Variants in ABTB2 observed in about 807,000 individuals in gnomAD.
The protein encoded by ABTB2 is ankyrin repeat and BTB/POZ domain-containing protein 2.
ABTB2 carries 56 observed loss-of-function variants against 104.1 expected under a neutral mutation model. The ratio of observed to expected loss-of-function variants is 0.54; its 90% confidence interval spans 0.43 to 0.67. ABTB2 has a LOEUF of 0.67. Ranked by LOEUF, ABTB2 falls within the 30% of genes least tolerant of loss-of-function variation. The pLI, the probability that ABTB2 is intolerant of heterozygous loss-of-function variation, is 0.00. For missense variants in ABTB2, 1,279 were observed against 1,407.7 expected (o/e 0.91, Z 1.46); for synonymous variants, 606 against 608.2 (o/e 1.00, Z 0.05).
chr11:34,347,736 A>G (rs182214594), intron 1 of ABTB2, among the ~76,000 whole-genome samples: 2 of 152,128 alleles, frequency 1.3e-5, no homozygotes, highest in Admixed American at 1.3e-4. Flanking sequence ...AGCATTTAAT[A>G]TGCTTGAAAT....
chr11:34,348,048 G>T (rs1183175640), intron 1 of ABTB2, among the ~76,000 whole-genome samples: 1 of 152,190 alleles, frequency 6.6e-6, no homozygotes, highest in Non-Finnish European at 1.5e-5. Flanking sequence ...GCTACATTCA[G>T]GGCCACGGAA....
chr11:34,162,271 G>A (rs1160467624), intron 10 of ABTB2, among the ~76,000 whole-genome samples: 1 of 152,238 alleles, frequency 6.6e-6, no homozygotes, highest in African/African-American at 2.4e-5. Flanking sequence ...CGACATCCCT[G>A]GGCTGTGACT....
intron 3 of ABTB2, among the ~76,000 whole-genome samples, chr11:34,179,480 G>A (rs1344101001): frequency 2.0e-5 from 3 of 152,152 alleles, no homozygotes; most frequent in Non-Finnish European, 4.4e-5. Context: ...CTGGCATTTC[G>A]CCCCTGGTGG....
intron 3 of ABTB2, among the ~76,000 whole-genome samples, chr11:34,197,059 T>C (rs1853266618): frequency 6.6e-6 from 1 of 152,166 alleles, no homozygotes; most frequent in Admixed American, 6.5e-5. Context: ...AGTGAGCTCA[T>C]GCCAGACTGG....
chr11:34,219,101 G>T (rs1344832142), intron 1 of ABTB2, among the ~76,000 whole-genome samples: 1 of 152,164 alleles, frequency 6.6e-6, no homozygotes, highest in Non-Finnish European at 1.5e-5. Context: ...TTCTAATCTG[G>T]AGGGGAGGAA....
rs1855462265 is a variant in ABTB2 at position 34,356,168 on chromosome 11, C to T, written c.883+533G>A. ...AGAGCGCCTGACAGCATCCTTCAGC[C>T]CAGCAAAGCACAAGGCGCAGCACCA... On this transcript the variant is annotated intron_variant, in intron 1 of 16. Transcript: ENST00000435224. This position sits in a 1 kb window ranked among gnomAD's most constrained non-coding sequence, Gnocchi z 4.6. Among the ~76,000 whole-genome samples, 3 of 152,188 alleles carry T rather than the reference C, an allele frequency of 2.0e-5. 1 individual carries two copies. In the South Asian group the frequency reaches 6.2e-4, roughly 32 times the overall value.
At chr11:34,192,741 C>T (rs1853196127) in intron 3 of ABTB2, among the ~76,000 whole-genome samples, 1 of 152,242 alleles carries the variant, frequency 6.6e-6, no homozygotes, top group African/African-American at 2.4e-5. Context: ...GGTCTGGCTT[C>T]TTTGCTGCTG....
At chr11:34,305,590 G>C (rs1057409087) in intron 1 of ABTB2, among the ~76,000 whole-genome samples, 4 of 152,326 alleles carry the variant, frequency 2.6e-5, no homozygotes, top group African/African-American at 9.6e-5. Context: ...AAGGGAACCA[G>C]AGGCAAAAGA....
At chr11:34,164,625 G>A in intron 9 of ABTB2, 61 bp downstream of exon 9, 1 of 1,393,116 alleles carries the variant, frequency 7.2e-7, no homozygotes. Flanking sequence ...GGAAACTGAG[G>A]CTCCTGTGAG....
chr11:34,251,342 C>CT, intron 1 of ABTB2, among the ~76,000 whole-genome samples: 1 of 152,360 alleles, frequency 6.6e-6, no homozygotes, highest in Middle Eastern at 3.4e-3. Context: ...TCTGCTCTGG[C>CT]TGAGTGACAG....
At chr11:34,181,487 C>T (rs34427038) in intron 3 of ABTB2, among the ~76,000 whole-genome samples, 56,829 of 151,902 alleles carry the variant, frequency 0.37, 11,314 homozygotes, top group Non-Finnish European at 0.45. Context: ...GCACAAGCCT[C>T]GGGTCTCTGT....
At chr11:34,250,919 G>A (rs1854047953) in intron 1 of ABTB2, among the ~76,000 whole-genome samples, 1 of 152,176 alleles carries the variant, frequency 6.6e-6, no homozygotes, top group African/African-American at 2.4e-5. Flanking sequence ...GGTTCAGAGA[G>A]GTTAAGTAAC....
intron 16 of ABTB2, among the ~76,000 whole-genome samples, chr11:34,153,138 G>A (rs1259008281): frequency 1.3e-5 from 2 of 152,178 alleles, no homozygotes; most frequent in African/African-American, 4.8e-5. Context: ...GAGGCCTGGG[G>A]ACACCAGTTG....
chr11:34,291,590 G>A (rs933474111), intron 1 of ABTB2, among the ~76,000 whole-genome samples: 1 of 152,160 alleles, frequency 6.6e-6, no homozygotes, highest in Non-Finnish European at 1.5e-5. Context: ...CTGCCTCCCG[G>A]GTTCAAGCAA....
chr11:34,235,004 C>G (rs569057776), intron 1 of ABTB2, among the ~76,000 whole-genome samples: 39 of 152,286 alleles, frequency 2.6e-4, no homozygotes, highest in Non-Finnish European at 5.0e-4. Flanking sequence ...ACTATAGGCG[C>G]CCGCCACGGC....
chr11:34,217,116 C>A (rs1185382462), intron 1 of ABTB2, among the ~76,000 whole-genome samples: 2 of 152,246 alleles, frequency 1.3e-5, no homozygotes, highest in Non-Finnish European at 2.9e-5. Context: ...TTATTCTGGA[C>A]ACACTGCCTA....
At position 34,357,762 on chromosome 11, in the gene ABTB2, T is replaced by A; in HGVS notation, c.-179A>T. The stretch of plus-strand genomic sequence containing the variant: ...GCCGCGGGAAGGTGGCCGAGATCCG[T>A]GGCCAGCAGGAGCCCCACGCTCCCG... On this transcript the variant is annotated 5_prime_UTR_variant, in exon 1 of 17. Transcript: ENST00000435224. 1 of 662,356 alleles carries A rather than the reference T, an allele frequency of 1.5e-6. No individual in the cohort carries two copies. Among genetic ancestry groups the A allele is most frequent in the Non-Finnish European group, 2.4e-6 (1 of 423,108 alleles). The allele number at this position is 662,356 out of a possible 1,614,324, so 41.0% of individuals were successfully genotyped here.
chr11:34,325,441 T>C (rs537875885), intron 1 of ABTB2, among the ~76,000 whole-genome samples: 1 of 152,282 alleles, frequency 6.6e-6, no homozygotes, highest in East Asian at 1.9e-4. Context: ...CAAGTTAAGC[T>C]CTCCGTTCCC....
intron 1 of ABTB2, among the ~76,000 whole-genome samples, chr11:34,236,458 A>G (rs1853844886): frequency 6.6e-6 from 1 of 152,168 alleles, no homozygotes; most frequent in Non-Finnish European, 1.5e-5. Context: ...CAGGTTTCAG[A>G]GAGGTTATTT....
Sources: allele counts gnomAD v4.1 joint callset (sites outside exome capture counted in the v4.1 genomes callset), GRCh38; gene constraint gnomAD v4.1.1; non-coding constraint Gnocchi (gnomAD v3.1); transcripts MANE v1.5; gene names NCBI Gene and HGNC (gene_info 2026-07-23, HGNC 2026-07-21).